ALKBH5: variants seen among roughly 807,000 people sequenced by gnomAD.
ALKBH5 encodes alkB homolog 5, RNA demethylase.
ALKBH5 carries 2 observed loss-of-function variants against 32.1 expected under a neutral mutation model. The observed-to-expected ratio is 0.06, with a 90% CI of 0.03 to 0.20. The LOEUF (loss-of-function observed/expected upper bound fraction) is 0.20. ALKBH5 is among the 10% of genes least tolerant of loss of function. ALKBH5 has a pLI of 1.00. For synonymous variants in ALKBH5, 300 were observed against 231.7 expected (o/e 1.29, Z -2.68); for missense variants, 352 against 559.5 (o/e 0.63, Z 3.74).
chr17:18,200,792 A>G, intron 2 of ALKBH5, among the ~76,000 whole-genome samples: 1 of 152,212 alleles, frequency 6.6e-6, no homozygotes, highest in Admixed American at 6.5e-5. Flanking sequence ...GATGCTCTTT[A>G]CAGAGGCTTG....
intron 1 of ALKBH5, among the ~76,000 whole-genome samples, chr17:18,186,804 A>G (rs1247660623): frequency 6.6e-6 from 1 of 152,146 alleles, no homozygotes; most frequent in African/African-American, 2.4e-5. Context: ...TGTCCTGAAA[A>G]GTGCTGCCCC....
In ALKBH5 at chr17:18,184,555, G is replaced by A. The variant is rs1436180411; in HGVS notation, c.312G>A (p.Glu104=). Residue 104 remains glutamate, a synonymous_variant, in exon 1 of 4, where the codon GAG becomes GAA. Transcript: ENST00000399138. ...GCCAGGACGAGTGCGCCAAGATCGAGGCCCGCATTGACGAGGTGGTGTCCC... is the reference window on the plus strand; with the variant it reads ...GCCAGGACGAGTGCGCCAAGATCGAAGCCCGCATTGACGAGGTGGTGTCCC... ...LFSQDECAKI[E]ARIDEVVSRA... 4.3e-6 allele frequency: 7 copies of A among 1,613,230 alleles called. No homozygotes were observed. Among genetic ancestry groups the A allele is most frequent in the Non-Finnish European group, 5.9e-6 (7 of 1,180,010 alleles).
At chr17:18,207,310 G>T (rs1407135265) in intron 3 of ALKBH5, among the ~76,000 whole-genome samples, 1 of 152,092 alleles carries the variant, frequency 6.6e-6, no homozygotes, top group African/African-American at 2.4e-5. Context: ...GTGAACCAGG[G>T]ACTTATTTCA....
At position 18,184,104 on chromosome 17, in the gene ALKBH5, C is replaced by G; in HGVS notation, c.-140C>G. On this transcript the variant is annotated 5_prime_UTR_variant, in exon 1 of 4. Coordinates refer to ENST00000399138, the MANE Select transcript of ALKBH5 (RefSeq NM_017758.4). ...CCCACGCCCGGACCCTCGACGCCCCCCGCCGGGTCCCCCACTCACGCATGG... is the reference window on the plus strand; with the variant it reads ...CCCACGCCCGGACCCTCGACGCCCCGCGCCGGGTCCCCCACTCACGCATGG... 2 of 797,112 alleles carry G rather than the reference C, an allele frequency of 2.5e-6. No homozygotes were observed. The highest frequency in any genetic ancestry group is 2.2e-5 in the Admixed American group (1 of 44,980). The allele number at this position is 797,112 out of a possible 1,614,324, so 49.4% of individuals were successfully genotyped here.
intron 2 of ALKBH5, among the ~76,000 whole-genome samples, chr17:18,201,767 A>ATAGG (rs1567676566): frequency 3.0e-5 from 4 of 133,902 alleles, no homozygotes; most frequent in South Asian, 2.8e-4. Flanking sequence ...AGATAGATAG[A>ATAGG]TAGATAGATA....
intron 2 of ALKBH5, among the ~76,000 whole-genome samples, chr17:18,200,572 T>C (rs1468322314): frequency 6.6e-6 from 1 of 152,184 alleles, no homozygotes; most frequent in Non-Finnish European, 1.5e-5. Context: ...TAAGCTGGTG[T>C]GTGCTAGGCT....
chr17:18,199,013 AGT>A (rs1457908965), intron 2 of ALKBH5, among the ~76,000 whole-genome samples: 1 of 152,094 alleles, frequency 6.6e-6, no homozygotes, highest in Non-Finnish European at 1.5e-5. Context: ...CCTTTCCCCC[AGT>A]GTGTCGTTGG....
chr17:18,201,835 A>AGATAGATG (rs1555551039), intron 2 of ALKBH5, among the ~76,000 whole-genome samples: 2 of 98,356 alleles, frequency 2.0e-5, no homozygotes, highest in Non-Finnish European at 4.6e-5. Flanking sequence ...ATAGATAGAT[A>AGATAGATG]GATGATAGAT....
chr17:18,185,583 G>T (rs1316238177), intron 1 of ALKBH5, among the ~76,000 whole-genome samples: 1 of 152,156 alleles, frequency 6.6e-6, no homozygotes, highest in Non-Finnish European at 1.5e-5. Flanking sequence ...ATACAGAGCA[G>T]CACACTCTTA....
At position 18,199,139 on chromosome 17, in the gene ALKBH5, G is replaced by A. The variant is rs1245611228; in HGVS notation, c.851+4104G>A. ...GGAGAATGTTATGAGTATGTAGGGG[G>A]CACTCTACAGAGAGTGGGGTGAGGC... On this transcript the variant is annotated intron_variant, in intron 2 of 3. Coordinates refer to ENST00000399138, the MANE Select transcript of ALKBH5 (RefSeq NM_017758.4). 1.8e-4 allele frequency among the ~76,000 whole-genome samples: 27 copies of A among 152,304 alleles called. 1 individual carries two copies. Among genetic ancestry groups the A allele is most frequent in the Admixed American group, 6.5e-5 (1 of 15,300 alleles).
chr17:18,192,551 G>A (rs920475595), intron 1 of ALKBH5, among the ~76,000 whole-genome samples: 2 of 152,188 alleles, frequency 1.3e-5, no homozygotes, highest in African/African-American at 4.8e-5. Flanking sequence ...TACAGATGAA[G>A]AAACTGTACA....
In ALKBH5 at chr17:18,184,256, A is replaced by G. The variant is rs1171937599; in HGVS notation, c.13A>G (p.Ser5Gly). MAAASGYTDLREKLK... is the reference protein window; with the variant it reads MAAAGGYTDLREKLK... Reference sequence around the variant, plus strand: ...CGTCGTGGGGGCCATGGCGGCCGCCAGCGGCTACACGGACCTGCGTGAGAA... The same window carrying G: ...CGTCGTGGGGGCCATGGCGGCCGCCGGCGGCTACACGGACCTGCGTGAGAA... The change falls in exon 1 of 4, where the codon AGC becomes GGC. Residue 5 changes from serine (S) to glycine (G), a missense_variant. Coordinates refer to ENST00000399138, the MANE Select transcript of ALKBH5 (RefSeq NM_017758.4). 14 of 1,516,928 alleles carry G rather than the reference A, an allele frequency of 9.2e-6. No homozygotes were observed. The highest frequency in any genetic ancestry group is 4.4e-6 in the Non-Finnish European group (5 of 1,137,216). The allele number at this position is 1,516,928 out of a possible 1,614,324, so 94.0% of individuals were successfully genotyped here.
At position 18,208,351 on chromosome 17, in the gene ALKBH5, G is replaced by A. The variant is rs777657592; in HGVS notation, c.1140G>A (p.Glu380=). ...KSYESSEDCS[E]AAGSPARKVK... The stretch of plus-strand genomic sequence containing the variant: ...ACGAGTCCTCAGAGGACTGCTCTGA[G>A]GCAGCAGGCAGCCCTGCCCGAAAGG... The change falls in exon 4 of 4, where the codon GAG becomes GAA. Residue 380 remains glutamate (E), a synonymous_variant. Transcript: ENST00000399138. 6 of 1,613,962 alleles carry A rather than the reference G, an allele frequency of 3.7e-6. No homozygotes were observed. Among genetic ancestry groups the A allele is most frequent in the Non-Finnish European group, 4.2e-6 (5 of 1,179,918 alleles).
chr17:18,201,780 TA>T (rs1174219767), intron 2 of ALKBH5, among the ~76,000 whole-genome samples: 36 of 111,840 alleles, frequency 3.2e-4, no homozygotes, highest in African/African-American at 1.1e-3. Context: ...GATAGATAGA[TA>T]GATAGGATAG....
chr17:18,194,866 C>G (rs17436616), intron 1 of ALKBH5, 89 bp from the exon 2 acceptor site: 89,026 of 1,081,770 alleles, frequency 0.082, 4,256 homozygotes, highest in Non-Finnish European at 0.098. Flanking sequence ...GCCGTAAGAC[C>G]TAGGCCATGT....
rs2047115450 is a variant in ALKBH5 at position 18,183,836 on chromosome 17, C to G, written c.-408C>G. On this transcript the variant is annotated 5_prime_UTR_variant, in exon 1 of 4. Transcript: ENST00000399138. ...CACTGCGCGTGCGCGGTGAGGAGCC[C>G]GCTAAGGAGCGGCGCTGGCGGACGT... 1.6e-5 allele frequency: 5 copies of G among 313,020 alleles called. No individual in the cohort carries two copies. The highest frequency in any genetic ancestry group is 1.1e-4 in the Admixed American group (2 of 18,904). The allele number at this position is 313,020 out of a possible 1,614,324, so 19.4% of individuals were successfully genotyped here. A position where few individuals can be genotyped will look rare whatever the true frequency, so the allele number is the denominator to read the frequency against.
rs950321080 is a variant in ALKBH5, at chr17:18,184,459, G to A, written c.216G>A (p.Glu72=). The change falls in exon 1 of 4, where the codon GAG becomes GAA. Residue 72 remains glutamate, a synonymous_variant. Coordinates refer to ENST00000399138, the MANE Select transcript of ALKBH5 (RefSeq NM_017758.4). ...CGGACCCCGAGCGCAGCGACTATGA[G>A]GAGCAGCAGCTGCAGAAGGAGGAGG... The part of the protein sequence containing the change: ...EDSDPERSDY[E]EQQLQKEEEA... 3.1e-6 allele frequency: 5 copies of A among 1,611,722 alleles called. No homozygotes were observed. Among genetic ancestry groups the A allele is most frequent in the Non-Finnish European group, 3.4e-6 (4 of 1,179,276 alleles).
At chr17:18,201,743 TTAGATAGATAGA>T (rs57485964) in intron 2 of ALKBH5, among the ~76,000 whole-genome samples, 97 of 129,948 alleles carry the variant, frequency 7.5e-4, no homozygotes, top group South Asian at 1.2e-3. Context: ...AGACTCCATC[TTAGATAGATAGA>T]TAGATAGATA....
rs774359628 is a variant in ALKBH5 at position 18,206,921 on chromosome 17, C to T, written c.958C>T (p.Leu320=). 15 of 1,614,266 alleles carry T rather than the reference C, an allele frequency of 9.3e-6. No individual in the cohort carries two copies. The South Asian group carries it at 1.3e-4, about 14-fold the overall frequency. ...RLSGNNRDPA[L]KPKRSHRKAD... Reference sequence around the variant, plus strand: ...GTCAGGAAACAACAGGGACCCTGCTCTGAAACCCAAGCGGTCCCACCGCAA... The same window carrying T: ...GTCAGGAAACAACAGGGACCCTGCTTTGAAACCCAAGCGGTCCCACCGCAA... Residue 320 remains leucine (L), a synonymous_variant, in exon 3 of 4, where the codon CTG becomes TTG. Transcript: ENST00000399138.
Sources: gnomAD v4.1 joint callset for allele counts (sites outside exome capture counted in the v4.1 genomes callset) on GRCh38, gnomAD v4.1.1 for gene constraint, MANE v1.5 for transcripts, NCBI Gene and HGNC (gene_info 2026-07-23, HGNC 2026-07-21) for gene names.